The following TTC28 variants were observed in gnomAD, a reference collection of about 807,000 sequenced individuals.
TTC28 encodes tetratricopeptide repeat protein 28.
TTC28 carries 61 observed loss-of-function variants against 198.0 expected under a neutral mutation model. The ratio of observed to expected loss-of-function variants is 0.31; its 90% confidence interval spans 0.25 to 0.38. TTC28 has a LOEUF of 0.38. Among genes scored for constraint, TTC28 ranks in the 10% least tolerant of loss-of-function variants. TTC28 has a pLI of 1.00. For synonymous variants in TTC28, 1,171 were observed against 1,297.8 expected (o/e 0.90, Z 2.10); for missense variants, 2,678 against 3,164.0 (o/e 0.85, Z 3.69).
chr22:28,592,099 C>A (rs1034137896), intron 2 of TTC28, among the ~76,000 whole-genome samples: 1 of 151,868 alleles, frequency 6.6e-6, no homozygotes, highest in Non-Finnish European at 1.5e-5. Context: ...AAGGCCTGCA[C>A]AAAGTTGGGT....
At chr22:28,576,252 T>C (rs565294953) in intron 2 of TTC28, among the ~76,000 whole-genome samples, 2 of 152,124 alleles carry the variant, frequency 1.3e-5, no homozygotes, top group African/African-American at 2.4e-5. Flanking sequence ...AATAATCATA[T>C]GGGTTTCGGC....
intron 2 of TTC28, among the ~76,000 whole-genome samples, chr22:28,352,788 T>C (rs2046019536): frequency 1.3e-5 from 2 of 152,260 alleles, no homozygotes; most frequent in South Asian, 2.1e-4. Flanking sequence ...TGGGCCAATT[T>C]GCACCACAAG....
rs1296506656 is a variant in TTC28 at position 27,979,434 on chromosome 22, C to G, written c.*2787G>C. 1 of 149,004 alleles carries G rather than the reference C, an allele frequency of 6.7e-6. No individual in the cohort carries two copies. The highest frequency in any genetic ancestry group is 2.5e-5 in the African/African-American group (1 of 40,064). The allele number at this position is 149,004 out of a possible 1,614,324, so 9.2% of individuals were successfully genotyped here. ...GGAAGAGGTTGCAGTGAGCCAAAAT[C>G]GCACCAGTGCACTCTATCCTGGGTG... On this transcript the variant is annotated 3_prime_UTR_variant, in exon 23 of 23. Coordinates refer to ENST00000397906, the MANE Select transcript of TTC28 (RefSeq NM_001145418.2).
chr22:28,328,500 T>C (rs564491537), intron 2 of TTC28, among the ~76,000 whole-genome samples: 2 of 152,016 alleles, frequency 1.3e-5, no homozygotes, highest in South Asian at 4.2e-4. Context: ...ACGTCTGTAA[T>C]CCTAGCACTC....
At chr22:28,263,211 T>C (rs1185279069) in intron 5 of TTC28, among the ~76,000 whole-genome samples, 3 of 152,198 alleles carry the variant, frequency 2.0e-5, no homozygotes, top group Admixed American at 2.0e-4. Context: ...ATCTTTACTA[T>C]ATACTATACA....
At chr22:28,628,886 T>A (rs2051121128) in intron 2 of TTC28, among the ~76,000 whole-genome samples, 1 of 150,452 alleles carries the variant, frequency 6.6e-6, no homozygotes, top group Admixed American at 6.7e-5. Context: ...CCAGCCTTGG[T>A]GACAGAGTAA....
chr22:28,634,039 G>T (rs1304733996), intron 1 of TTC28, among the ~76,000 whole-genome samples: 1 of 152,128 alleles, frequency 6.6e-6, no homozygotes, highest in Non-Finnish European at 1.5e-5. Flanking sequence ...AATACTAGAG[G>T]AGAACTCTAG....
chr22:28,419,523 C>T (rs1294073385), intron 2 of TTC28, among the ~76,000 whole-genome samples: 2 of 152,068 alleles, frequency 1.3e-5, no homozygotes, highest in Non-Finnish European at 2.9e-5. Flanking sequence ...ATTTACATAC[C>T]AAAAGAGAAC....
chr22:28,221,610 T>C (rs990299354), intron 5 of TTC28, among the ~76,000 whole-genome samples: 5 of 152,130 alleles, frequency 3.3e-5, no homozygotes, highest in Admixed American at 2.0e-4. Context: ...CCTGCATGCT[T>C]GACACTCCTT....
At chr22:28,472,156 A>C (rs1413454767) in intron 2 of TTC28, among the ~76,000 whole-genome samples, 1 of 152,190 alleles carries the variant, frequency 6.6e-6, no homozygotes, top group African/African-American at 2.4e-5. Context: ...CTATCATTCT[A>C]TTAATTTACA....
intron 5 of TTC28, among the ~76,000 whole-genome samples, chr22:28,256,524 G>A (rs374100146): frequency 7.3e-4 from 111 of 151,788 alleles, no homozygotes; most frequent in African/African-American, 2.3e-3. Context: ...GATTCAATGC[G>A]TCTCTATCAA....
intron 5 of TTC28, among the ~76,000 whole-genome samples, chr22:28,252,974 T>C (rs1930635313): frequency 6.6e-6 from 1 of 152,148 alleles, no homozygotes; most frequent in African/African-American, 2.4e-5. Flanking sequence ...TATAGTTTGT[T>C]TTTTTCCTGA....
chr22:28,508,398 C>CTCAG (rs540352383), intron 2 of TTC28, among the ~76,000 whole-genome samples: 13 of 152,310 alleles, frequency 8.5e-5, no homozygotes, highest in African/African-American at 3.1e-4. Context: ...CTTCCCCTAT[C>CTCAG]TCAGCCTCCT....
chr22:28,392,613 C>T (rs1359182634), intron 2 of TTC28, among the ~76,000 whole-genome samples: 1 of 152,146 alleles, frequency 6.6e-6, no homozygotes, highest in South Asian at 2.1e-4. Flanking sequence ...TTCCAGGTGC[C>T]GTCTGTCACC....
At chr22:28,142,202 G>GT (rs1190400470) in intron 6 of TTC28, among the ~76,000 whole-genome samples, 1 of 152,198 alleles carries the variant, frequency 6.6e-6, no homozygotes, top group African/African-American at 2.4e-5. Flanking sequence ...TTCAGGCAAA[G>GT]TAAGTGCCCA....
chr22:28,336,891 G>C (rs150257162), intron 2 of TTC28, among the ~76,000 whole-genome samples: 2,430 of 152,174 alleles, frequency 0.016, 86 homozygotes, highest in African/African-American at 0.056. Context: ...GCTTTTGAAT[G>C]TGTTTGCTCT....
At chr22:28,358,731 C>T (rs965707129) in intron 2 of TTC28, among the ~76,000 whole-genome samples, 4 of 152,166 alleles carry the variant, frequency 2.6e-5, no homozygotes, top group Non-Finnish European at 4.4e-5. Flanking sequence ...TATTTTGAAG[C>T]AATTGTCTGC....
At chr22:28,555,668 T>C (rs1206841966) in intron 2 of TTC28, among the ~76,000 whole-genome samples, 2 of 152,040 alleles carry the variant, frequency 1.3e-5, no homozygotes, top group African/African-American at 4.8e-5. Context: ...ATAAGAATGA[T>C]ACATTGGACT....
At chr22:28,438,739 C>T (rs2047563211) in intron 2 of TTC28, among the ~76,000 whole-genome samples, 1 of 152,152 alleles carries the variant, frequency 6.6e-6, no homozygotes, top group Admixed American at 6.5e-5. Context: ...ATTTTAATTA[C>T]TATCATTTCT....
Sources: allele counts gnomAD v4.1 joint callset (sites outside exome capture counted in the v4.1 genomes callset), GRCh38; gene constraint gnomAD v4.1.1; transcripts MANE v1.5; gene names NCBI Gene and HGNC (gene_info 2026-07-23, HGNC 2026-07-21).